Variants in ZNF292 observed in about 807,000 individuals in gnomAD.
ZNF292 encodes the protein zinc finger protein 292, also known as 16 zinc-finger domain protein.
A neutral mutation model predicts 217.9 loss-of-function variants in ZNF292; 26 were observed. That is an observed-to-expected ratio of 0.12 (90% CI 0.09 to 0.17). The LOEUF is 0.17. ZNF292 is among the 10% of genes least tolerant of loss of function. The probability of loss-of-function intolerance (pLI) is 1.00; values close to 1 mark genes in which losing one functional copy is unlikely to be tolerated. For synonymous variants in ZNF292, 1,257 were observed against 1,124.1 expected, an observed-to-expected ratio of 1.12 and a Z score of -2.37; for missense variants, 2,904 against 3,175.2, an observed-to-expected ratio of 0.91 and a Z score of 2.05.
chr6:87,261,798 C>T lies in ZNF292; in HGVS notation c.8169C>T (p.Tyr2723=). ...GTAAAGCCACAGGCAGAGGTCAGTA[C>T]TGATAATTAATGTAGTATAAATACA... The part of the protein sequence containing the change: ...SIGKATGRGQ[Y] The change falls in exon 8 of 8, where the codon TAC becomes TAT. Residue 2723 remains tyrosine (Y), a synonymous_variant. Transcript: ENST00000369577. The T allele has an allele frequency of 6.3e-7, 1 of 1,591,974 alleles. No homozygotes were observed. The highest frequency in any genetic ancestry group is 8.6e-7 in the Non-Finnish European group (1 of 1,167,100).
rs567191102 is a variant in ZNF292, at chr6:87,213,880, C to T, written c.169-2023C>T. 6.6e-5 allele frequency: 10 copies of T among 152,292 alleles called. No homozygotes were observed. The East Asian group carries it at 1.4e-3, about 21-fold the overall frequency. The allele number at this position is 152,292 out of a possible 1,614,324, so 9.4% of individuals were successfully genotyped here. A position where few individuals can be genotyped will look rare whatever the true frequency, so the allele number is the denominator to read the frequency against. On this transcript the variant is annotated intron_variant, in intron 1 of 7. Coordinates refer to ENST00000369577, the MANE Select transcript of ZNF292 (RefSeq NM_015021.3). ...CAGGATCAAAGGTAATTTTCTTCTTCTTTGGTGGGCCTGGACTTTAGACAG... is the reference window on the plus strand; with the variant it reads ...CAGGATCAAAGGTAATTTTCTTCTTTTTTGGTGGGCCTGGACTTTAGACAG...
intron 5 of ZNF292, among the ~76,000 whole-genome samples, chr6:87,234,927 A>G (rs1171240416): frequency 2.6e-5 from 4 of 152,160 alleles, no homozygotes; most frequent in South Asian, 2.1e-4. Context: ...GGACCAAGAT[A>G]AGAAATAAAC....
intron 7 of ZNF292, among the ~76,000 whole-genome samples, chr6:87,252,941 T>C (rs1775005216): frequency 6.6e-6 from 1 of 152,070 alleles, no homozygotes. Context: ...AGGGTCTTGC[T>C]CTGTTGCCCA....
chr6:87,189,402 T>G lies in ZNF292; in HGVS notation c.169-26501T>G, dbSNP rs180716088. On this transcript the variant is annotated intron_variant, in intron 1 of 7. Coordinates refer to ENST00000369577, the MANE Select transcript of ZNF292 (RefSeq NM_015021.3). ...ATGATCCAATATTCATATATTATTA[T>G]TATTATTAACTAAGTCCATACTTGA... Among the ~76,000 whole-genome samples, 273 of 152,112 alleles carry G rather than the reference T, an allele frequency of 1.8e-3. 3 individuals are homozygous for G. The highest frequency in any genetic ancestry group is 2.2e-3 in the Non-Finnish European group (152 of 67,992).
intron 1 of ZNF292, among the ~76,000 whole-genome samples, chr6:87,211,454 G>A (rs1394536118): frequency 6.6e-6 from 1 of 152,158 alleles, no homozygotes; most frequent in Non-Finnish European, 1.5e-5. Flanking sequence ...GTATCACATA[G>A]TAGTTAAGAA....
At chr6:87,191,732 G>A (rs1057492897) in intron 1 of ZNF292, among the ~76,000 whole-genome samples, 2 of 152,144 alleles carry the variant, frequency 1.3e-5, no homozygotes, top group African/African-American at 4.8e-5. Flanking sequence ...AGTGGTGCAA[G>A]CTCGACTCAC....
chr6:87,227,020 CAG>C (rs1169637307), intron 4 of ZNF292, among the ~76,000 whole-genome samples: 2 of 152,122 alleles, frequency 1.3e-5, no homozygotes, highest in East Asian at 3.9e-4. Context: ...AAAAATCTGT[CAG>C]AATTTAGTTA....
At chr6:87,231,905 T>C (rs1773677152) in intron 4 of ZNF292, among the ~76,000 whole-genome samples, 1 of 152,188 alleles carries the variant, frequency 6.6e-6, no homozygotes, top group African/African-American at 2.4e-5. Flanking sequence ...AACTTTATTA[T>C]AACTTTGTTT....
In ZNF292 at chr6:87,185,059, A is replaced by G. The variant is rs1393854488; in HGVS notation, c.168+29300A>G. ...CAGACACACCCAAAATAGTGCTTTA[A>G]CAGGTTTTTAGGTATTCCTTAATCC... On this transcript the variant is annotated intron_variant, in intron 1 of 7. Transcript: ENST00000369577. Among the ~76,000 whole-genome samples, 5 of 152,322 alleles carry G rather than the reference A, an allele frequency of 3.3e-5. No homozygotes were observed. The East Asian group carries it at 9.7e-4, about 29-fold the overall frequency.
At chr6:87,209,409 A>G (rs1772389863) in intron 1 of ZNF292, among the ~76,000 whole-genome samples, 1 of 152,348 alleles carries the variant, frequency 6.6e-6, no homozygotes, top group East Asian at 1.9e-4. Context: ...GAATGTGTCC[A>G]GTCTACCATT....
At chr6:87,170,194 G>A (rs918578942) in intron 1 of ZNF292, 1 of 152,100 alleles carries the variant, frequency 6.6e-6, no homozygotes, top group Non-Finnish European at 1.5e-5. Flanking sequence ...AAACATAAAA[G>A]CCTGATACTT....
intron 1 of ZNF292, among the ~76,000 whole-genome samples, chr6:87,183,395 A>G (rs1046594023): frequency 2.0e-5 from 3 of 152,090 alleles, no homozygotes; most frequent in Non-Finnish European, 2.9e-5. Context: ...AGCATATTGT[A>G]TCTAAGAAAT....
At chr6:87,160,517 A>G (rs6928407) in intron 1 of ZNF292, among the ~76,000 whole-genome samples, 1,738 of 142,266 alleles carry the variant, frequency 0.012, 37 homozygotes, top group African/African-American at 0.046. Context: ...GTGTGTGTAT[A>G]TATATGCAAG....
Position 87,155,650 on chromosome 6 carries a change from C to G in ZNF292, c.59C>G (p.Ala20Gly). The change falls in exon 1 of 8, where the codon GCG (alanine) becomes GGG (glycine). Residue 20 changes from alanine to glycine, a missense_variant. Coordinates refer to ENST00000369577, the MANE Select transcript of ZNF292 (RefSeq NM_015021.3). ...RLSCGEGGCV[A>G]ELQRLGERLQ... is the part of the protein sequence containing the mutation. ...AGTTGCGGCGAAGGCGGCTGCGTCG[C>G]GGAGCTGCAGCGCCTGGGCGAGCGG... The G allele has an allele frequency of 6.3e-7, 1 of 1,582,670 alleles. No individual in the cohort carries two copies. The highest frequency in any genetic ancestry group is 2.3e-5 in the East Asian group (1 of 43,336).
chr6:87,258,043 C>G lies in ZNF292; in HGVS notation c.4414C>G (p.Arg1472Gly). The change falls in exon 8 of 8, where the codon CGA (arginine) becomes GGA (glycine). Residue 1472 changes from arginine to glycine, a missense_variant. Arg to Gly is a moderately radical substitution (Grantham distance 125). Coordinates refer to ENST00000369577, the MANE Select transcript of ZNF292 (RefSeq NM_015021.3). ...SPAFLPNTFP[R>G]SGVTNFNTSV... ...AGCATTTTTACCAAATACATTTCCT[C>G]GATCTGGTGTGACTAACTTTAATAC... is the stretch of plus-strand genomic sequence containing the variant. The G allele has an allele frequency of 1.9e-6, 3 of 1,613,772 alleles. No homozygotes were observed. The highest frequency in any genetic ancestry group is 2.5e-6 in the Non-Finnish European group (3 of 1,179,792).
chr6:87,194,737 T>TTTAAAAAGTG (rs1290037762), intron 1 of ZNF292, among the ~76,000 whole-genome samples: 1 of 152,102 alleles, frequency 6.6e-6, no homozygotes, highest in East Asian at 1.9e-4. Flanking sequence ...ACAAATAGTG[T>TTTAAAAAGTG]TTAAAAAGAA....
intron 1 of ZNF292, among the ~76,000 whole-genome samples, chr6:87,167,311 A>T (rs754873248): frequency 6.6e-6 from 1 of 152,176 alleles, no homozygotes; most frequent in Non-Finnish European, 1.5e-5. Context: ...CCCTCAATAC[A>T]TTTTGTTTTC....
chr6:87,223,683 A>G (rs539165735), intron 4 of ZNF292: 1 of 152,262 alleles, frequency 6.6e-6, no homozygotes, highest in South Asian at 2.1e-4. Flanking sequence ...ATAATCTGAT[A>G]CTACTTTATT....
At chr6:87,224,139 A>G (rs1353560369) in intron 4 of ZNF292, among the ~76,000 whole-genome samples, 1 of 152,220 alleles carries the variant, frequency 6.6e-6, no homozygotes, top group Non-Finnish European at 1.5e-5. Context: ...TATTAACTAC[A>G]GTACAGTGCT....
Sources: gnomAD v4.1 joint callset for allele counts (sites outside exome capture counted in the v4.1 genomes callset) on GRCh38, gnomAD v4.1.1 for gene constraint, MANE v1.5 for transcripts, NCBI Gene and HGNC (gene_info 2026-07-23, HGNC 2026-07-21) for gene names.